The following CHN1 variants were observed in gnomAD, a reference collection of about 807,000 sequenced individuals.
CHN1 encodes N-chimaerin.
Under a neutral mutation model 59.5 loss-of-function variants are expected in CHN1, and 37 were observed. The observed-to-expected ratio is 0.62, with a 90% CI of 0.48 to 0.82. The LOEUF (loss-of-function observed/expected upper bound fraction) is 0.82, where lower values mean the gene tolerates loss of function less well. Among genes scored for constraint, CHN1 ranks in the 40% least tolerant of loss-of-function variants. CHN1 has a pLI of 0.00. For missense variants in CHN1, 469 were observed against 571.0 expected, an observed-to-expected ratio of 0.82 and a Z score of 1.82; for synonymous variants, 206 against 200.4, an observed-to-expected ratio of 1.03 and a Z score of -0.24.
chr2:174,847,287 C>G (rs1306273312), intron 6 of CHN1: 4 of 1,365,454 alleles, frequency 2.9e-6, no homozygotes, highest in Non-Finnish European at 3.8e-6. Context: ...GAGGATGAAG[C>G]ACTTCTTAAA....
chr2:174,919,551 A>G (rs1469279679), intron 3 of CHN1, among the ~76,000 whole-genome samples: 1 of 152,220 alleles, frequency 6.6e-6, no homozygotes, highest in Non-Finnish European at 1.5e-5. Context: ...TCAAAATAAA[A>G]TAGGAATTAT....
intron 6 of CHN1, chr2:174,847,527 T>C: frequency 8.1e-7 from 1 of 1,227,430 alleles, no homozygotes; most frequent in Non-Finnish European, 1.0e-6. Flanking sequence ...ATGTCCATTC[T>C]GAATGAAAGA....
At chr2:174,825,347 A>G (rs1323261518) in intron 7 of CHN1, among the ~76,000 whole-genome samples, 1 of 152,252 alleles carries the variant, frequency 6.6e-6, no homozygotes, top group African/African-American at 2.4e-5. Flanking sequence ...TTATTATGTT[A>G]GCAAGGAGAA....
chr2:174,877,812 G>A (rs1193958152), intron 6 of CHN1, 28 bp downstream of exon 6: 10 of 1,590,044 alleles, frequency 6.3e-6, no homozygotes, highest in Non-Finnish European at 8.6e-6. Flanking sequence ...AACAGAAAAA[G>A]ATAAAGTGTG....
chr2:174,867,760 A>T (rs1201604448), intron 6 of CHN1, among the ~76,000 whole-genome samples: 1 of 152,218 alleles, frequency 6.6e-6, no homozygotes, highest in Non-Finnish European at 1.5e-5. Flanking sequence ...GATTGTTCAT[A>T]GCCTAATGGT....
intron 3 of CHN1, among the ~76,000 whole-genome samples, chr2:174,927,949 T>C (rs1689225284): frequency 6.6e-6 from 1 of 152,150 alleles, no homozygotes; most frequent in Non-Finnish European, 1.5e-5. Flanking sequence ...AGAATATGTA[T>C]ATAAAGATTA....
intron 3 of CHN1, among the ~76,000 whole-genome samples, chr2:174,935,467 G>C (rs1689470387): frequency 2.0e-5 from 3 of 152,102 alleles, no homozygotes; most frequent in African/African-American, 7.2e-5. Flanking sequence ...ATTACACAAA[G>C]ATATCTCATT....
chr2:174,867,773 A>C (rs1220839653), intron 6 of CHN1, among the ~76,000 whole-genome samples: 1 of 152,222 alleles, frequency 6.6e-6, no homozygotes, highest in Non-Finnish European at 1.5e-5. Context: ...CTAATGGTCG[A>C]TAAAGCAAAT....
At chr2:174,814,512 TTA>T (rs1685176988) in intron 8 of CHN1, among the ~76,000 whole-genome samples, 1 of 152,222 alleles carries the variant, frequency 6.6e-6, no homozygotes, top group African/African-American at 2.4e-5. Context: ...AGTCTAGAAT[TTA>T]TTAGCTGTGT....
rs944713956 is a variant in CHN1 at position 174,967,028 on chromosome 2, T to A, written c.20-14826A>T. On this transcript the variant is annotated intron_variant, in intron 1 of 12. Transcript: ENST00000409900. ...AACTCGATAACGACAATAAAGTAGATCCTTCTACTTCTCTGCATCTCACGT... is the reference window on the plus strand; with the variant it reads ...AACTCGATAACGACAATAAAGTAGAACCTTCTACTTCTCTGCATCTCACGT... Among the ~76,000 whole-genome samples the A allele has an allele frequency of 7.2e-5, 11 of 152,188 alleles. 2 individuals carry two copies. In the South Asian group the frequency reaches 2.1e-3, roughly 29 times the overall value.
At chr2:174,930,179 A>G (rs539217558) in intron 3 of CHN1, among the ~76,000 whole-genome samples, 155 of 152,340 alleles carry the variant, frequency 1.0e-3, no homozygotes, top group African/African-American at 3.7e-3. Flanking sequence ...ATTTCTCCCA[A>G]GATAGCCACT....
chr2:174,818,865 T>C (rs1158497700), intron 8 of CHN1, among the ~76,000 whole-genome samples: 1 of 152,214 alleles, frequency 6.6e-6, no homozygotes, highest in African/African-American at 2.4e-5. Context: ...AGAAATCAAT[T>C]TTTTGAAAGG....
intron 6 of CHN1, chr2:174,847,548 C>A: frequency 8.0e-7 from 1 of 1,255,514 alleles, no homozygotes; most frequent in Non-Finnish European, 1.0e-6. Context: ...TGCCTACATA[C>A]TGCCTGCAAT....
At chr2:174,970,693 T>C (rs1052773618) in intron 1 of CHN1, among the ~76,000 whole-genome samples, 3 of 152,140 alleles carry the variant, frequency 2.0e-5, no homozygotes, top group Non-Finnish European at 2.9e-5. Flanking sequence ...AAATACAAGA[T>C]AGAACAGGAG....
chr2:174,971,228 G>A (rs1690747981), intron 1 of CHN1, among the ~76,000 whole-genome samples: 1 of 152,154 alleles, frequency 6.6e-6, no homozygotes. Context: ...TGAGGCAGGA[G>A]AATGGCATGA....
At chr2:174,808,102 T>G (rs1447910364) in intron 11 of CHN1, among the ~76,000 whole-genome samples, 1 of 152,252 alleles carries the variant, frequency 6.6e-6, no homozygotes, top group East Asian at 1.9e-4. Flanking sequence ...TTACAAAAAC[T>G]TCTTGATATA....
chr2:174,816,350 G>T (rs1685260770), intron 8 of CHN1, among the ~76,000 whole-genome samples: 1 of 152,198 alleles, frequency 6.6e-6, no homozygotes, highest in Non-Finnish European at 1.5e-5. Flanking sequence ...CACTGCTATT[G>T]CAAGGTGGTG....
chr2:174,900,854 A>C (rs1412507536), intron 5 of CHN1, among the ~76,000 whole-genome samples: 1 of 152,114 alleles, frequency 6.6e-6, no homozygotes, highest in African/African-American at 2.4e-5. Context: ...TGTGCTATCT[A>C]GGGCAAAGAA....
chr2:174,977,527 T>C lies in CHN1; in HGVS notation c.20-25325A>G, dbSNP rs114763784. 6.9e-3 allele frequency among the ~76,000 whole-genome samples: 1,055 copies of C among 152,336 alleles called. 16 individuals carry two copies. The highest frequency in any genetic ancestry group is 0.024 in the African/African-American group (1,007 of 41,570). On this transcript the variant is annotated intron_variant, in intron 1 of 12. Transcript: ENST00000409900. ...GTGTCTTCAGGCTGCCTTTATACCT[T>C]GTTGAAGATGATGCAACACCTTGGG...
Sources: gnomAD v4.1 joint callset for allele counts (sites outside exome capture counted in the v4.1 genomes callset) on GRCh38, gnomAD v4.1.1 for gene constraint, MANE v1.5 for transcripts, NCBI Gene and HGNC (gene_info 2026-07-23, HGNC 2026-07-21) for gene names.